FRMD4A: variants seen among roughly 807,000 people sequenced by gnomAD.
FRMD4A encodes the protein FERM domain containing 4A, also known as FERM domain-containing protein 4A.
A neutral mutation model predicts 129.1 loss-of-function variants in FRMD4A; 29 were observed. The ratio of observed to expected loss-of-function variants is 0.22; its 90% CI spans 0.17 to 0.31. The LOEUF (loss-of-function observed/expected upper bound fraction) is 0.31, where lower values mean the gene tolerates loss of function less well. FRMD4A is among the 10% of genes least tolerant of loss of function. The pLI is 1.00. For missense variants in FRMD4A, 1,272 were observed against 1,375.8 expected, an observed-to-expected ratio of 0.92 and a Z score of 1.19; for synonymous variants, 634 against 571.6, an observed-to-expected ratio of 1.11 and a Z score of -1.56.
intron 2 of FRMD4A, among the ~76,000 whole-genome samples, chr10:13,876,789 CAATA>C (rs1220666020): frequency 6.6e-6 from 1 of 151,446 alleles, no homozygotes; most frequent in African/African-American, 2.4e-5. Flanking sequence ...AATAGGCACA[CAATA>C]AATATTTTAT....
At position 13,810,927 on chromosome 10, in the gene FRMD4A, G is replaced by A. The variant is rs773277397; in HGVS notation, c.112-19C>T. On this transcript the variant is annotated intron_variant, in intron 3 of 24. Transcript: ENST00000357447. ...GCTTGGGCTGCAAGAAGAATACAAT[G>A]GAAGAAGGGTAAGTGATGAGAGACT... 6 of 1,333,854 alleles carry A rather than the reference G, an allele frequency of 4.5e-6. No individual in the cohort carries two copies. The Admixed American group carries it at 1.0e-4, about 23-fold the overall frequency. 82.6% of individuals were successfully genotyped at this position (1,333,854 alleles called of 1,614,324 possible). A position where few individuals can be genotyped will look rare whatever the true frequency, so the allele number is the denominator to read the frequency against.
intron 3 of FRMD4A, among the ~76,000 whole-genome samples, chr10:13,822,276 A>T (rs2093640871): frequency 6.6e-6 from 1 of 152,260 alleles, no homozygotes; most frequent in Admixed American, 6.5e-5. Flanking sequence ...TATTAGCTAC[A>T]ATAACCACGA....
intron 2 of FRMD4A, among the ~76,000 whole-genome samples, chr10:14,274,764 T>A (rs919881526): frequency 6.6e-6 from 1 of 152,168 alleles, no homozygotes; most frequent in African/African-American, 2.4e-5. Flanking sequence ...TTCAAATGCC[T>A]CCTGTCCAGC....
chr10:13,836,684 T>C (rs956259812), intron 3 of FRMD4A, among the ~76,000 whole-genome samples: 7 of 149,064 alleles, frequency 4.7e-5, no homozygotes, highest in African/African-American at 1.7e-4. Context: ...GGAGGGAGGG[T>C]TTTTCATGGC....
At chr10:13,670,287 G>T in intron 17 of FRMD4A, 119 bp downstream of exon 17, 1 of 1,016,888 alleles carries the variant, frequency 9.8e-7, no homozygotes, top group Non-Finnish European at 1.5e-6. Flanking sequence ...AAAGGTATGA[G>T]CGAAAATACT....
intron 2 of FRMD4A, among the ~76,000 whole-genome samples, chr10:13,888,405 A>G (rs978093004): frequency 6.6e-6 from 1 of 152,158 alleles, no homozygotes; most frequent in Non-Finnish European, 1.5e-5. Flanking sequence ...CTTTCATGAC[A>G]TTTCCAGAGA....
chr10:13,943,675 A>AAAAAAAAG (rs2095310696), intron 2 of FRMD4A, among the ~76,000 whole-genome samples: 10 of 123,632 alleles, frequency 8.1e-5, no homozygotes, highest in Non-Finnish European at 1.2e-4. Context: ...AAAAAAAAAA[A>AAAAAAAAG]AAAAGAAAAA....
At chr10:14,127,978 C>CTTT (rs747654399) in intron 2 of FRMD4A, among the ~76,000 whole-genome samples, 1,903 of 47,516 alleles carry the variant, frequency 0.04, 249 homozygotes, top group East Asian at 0.066. Context: ...TTCTTTCTTT[C>CTTT]CTTCTCTCTC....
intron 15 of FRMD4A, 75 bp downstream of exon 15, chr10:13,693,823 C>T (rs1304633243): frequency 1.3e-6 from 2 of 1,486,406 alleles, no homozygotes; most frequent in Admixed American, 3.4e-5. Context: ...AGCTGCAGCT[C>T]TCCCCACCTT....
intron 2 of FRMD4A, among the ~76,000 whole-genome samples, chr10:14,094,933 G>A (rs900532006): frequency 1.3e-5 from 2 of 152,128 alleles, no homozygotes; most frequent in African/African-American, 4.8e-5. Flanking sequence ...GTGTGCCCAT[G>A]TGTATGTATG....
In FRMD4A at chr10:13,654,492, T is replaced by C; in HGVS notation, c.2974A>G (p.Arg992Gly). The C allele has an allele frequency of 6.2e-7, 1 of 1,613,684 alleles. No homozygotes were observed. Among genetic ancestry groups the C allele is most frequent in the Non-Finnish European group, 8.5e-7 (1 of 1,179,594 alleles). Residue 992 changes from arginine (R) to glycine (G), a missense_variant, in exon 23 of 25, where the codon AGA becomes GGA. Physicochemically the swap from Arg to Gly is moderately radical, Grantham distance 125. This residue lies in a region of FRMD4A where 972 missense variants were observed against 892.3 expected (regional missense o/e 1.09). Transcript: ENST00000357447. ...ATTTCACTTGACGGTGTCGAGCTTC[T>C]CTGGCTTTGAGGTAAGGCAGCTACA... ...ATSAALPQSQ[R>G]SSTPSSEIGA... is the part of the protein sequence containing the mutation.
chr10:13,794,549 C>G lies in FRMD4A; in HGVS notation c.299+1947G>C, dbSNP rs145702050. Among the ~76,000 whole-genome samples the G allele has an allele frequency of 1.8e-4, 28 of 152,062 alleles. No individual in the cohort carries two copies. The East Asian group carries it at 5.4e-3, about 29-fold the overall frequency. ...AGAAGATAATAAATTTGGCTTTGGA[C>G]CTGCTGAGTTTGAAGTACTCAGGTG... On this transcript the variant is annotated intron_variant, in intron 5 of 24. Coordinates refer to ENST00000357447, the MANE Select transcript of FRMD4A (RefSeq NM_018027.5).
intron 2 of FRMD4A, among the ~76,000 whole-genome samples, chr10:14,075,481 C>T (rs1835536575): frequency 6.6e-6 from 1 of 152,178 alleles, no homozygotes; most frequent in South Asian, 2.1e-4. Context: ...AGAACTGGAA[C>T]CTGTGCCTAT....
At chr10:14,112,603 G>A (rs1325029605) in intron 2 of FRMD4A, among the ~76,000 whole-genome samples, 1 of 152,170 alleles carries the variant, frequency 6.6e-6, no homozygotes, top group Non-Finnish European at 1.5e-5. Context: ...TTGGCTCACT[G>A]TAACGTCTGC....
rs115308771 is a variant in FRMD4A, at chr10:14,202,831, G to A, written c.45+127227C>T. The stretch of plus-strand genomic sequence containing the variant: ...TCTGTCACCCAGGCTGGAGTTCAGC[G>A]GTGCAATCATGGCTCAATGTAACCT... On this transcript the variant is annotated intron_variant, in intron 2 of 24. Coordinates refer to ENST00000357447, the MANE Select transcript of FRMD4A (RefSeq NM_018027.5). Among the ~76,000 whole-genome samples the A allele has an allele frequency of 8.4e-3, 1,275 of 152,174 alleles. 17 individuals carry two copies. The highest frequency in any genetic ancestry group is 0.027 in the African/African-American group (1,112 of 41,482).
chr10:14,280,917 G>A lies in FRMD4A; in HGVS notation c.45+49141C>T, dbSNP rs184683059. ...ACAATGTGGCTGTATTTAAAATAGG[G>A]CCTTTAAAAGATGAAATTAAAATGG... On this transcript the variant is annotated intron_variant, in intron 2 of 24. Transcript: ENST00000357447. Among the ~76,000 whole-genome samples the A allele has an allele frequency of 2.7e-5, 4 of 150,916 alleles. No individual in the cohort carries two copies. In the East Asian group the frequency reaches 5.8e-4, roughly 22 times the overall value.
intron 2 of FRMD4A, among the ~76,000 whole-genome samples, chr10:14,003,746 G>T (rs2095651424): frequency 6.6e-6 from 1 of 152,152 alleles, no homozygotes; most frequent in African/African-American, 2.4e-5. Context: ...ACAACATGGG[G>T]TGGGCCACAT....
chr10:13,984,610 G>A (rs1262856167), intron 2 of FRMD4A, among the ~76,000 whole-genome samples: 1 of 152,194 alleles, frequency 6.6e-6, no homozygotes, highest in Admixed American at 6.5e-5. Context: ...TTCGTAGCTC[G>A]TATAAGAGGA....
intron 2 of FRMD4A, among the ~76,000 whole-genome samples, chr10:13,993,619 C>T (rs2095611403): frequency 6.6e-6 from 1 of 152,034 alleles, no homozygotes; most frequent in Non-Finnish European, 1.5e-5. Context: ...AGAATATCTT[C>T]CCAAAACAAA....
Sources: gnomAD v4.1 joint callset for allele counts (sites outside exome capture counted in the v4.1 genomes callset) on GRCh38, gnomAD v4.1.1 for gene constraint, gnomAD v4.1.1 regional missense constraint, MANE v1.5 for transcripts, NCBI Gene and HGNC (gene_info 2026-07-23, HGNC 2026-07-21) for gene names.